The following EIF3L variants were observed in gnomAD, a reference collection of about 807,000 sequenced individuals.
EIF3L encodes the protein eukaryotic translation initiation factor 3 subunit L.
Under a neutral mutation model 74.6 loss-of-function variants are expected in EIF3L, and 32 were observed. The ratio of observed to expected loss-of-function variants is 0.43; its 90% CI spans 0.32 to 0.58. The LOEUF (loss-of-function observed/expected upper bound fraction) is 0.58. Ranked by LOEUF, EIF3L falls within the 20% of genes least tolerant of loss-of-function variation. The probability of loss-of-function intolerance (pLI) is 0.06; values close to 1 mark genes in which losing one functional copy is unlikely to be tolerated. For synonymous variants in EIF3L, 256 were observed against 254.4 expected (o/e 1.01, Z -0.06); for missense variants, 474 against 707.8 (o/e 0.67, Z 3.75).
rs1926829834 is a variant in EIF3L at position 37,877,760 on chromosome 22, C to T, written c.1164C>T (p.Leu388=). 3 of 1,613,756 alleles carry T rather than the reference C, an allele frequency of 1.9e-6. No individual in the cohort carries two copies. Among genetic ancestry groups the T allele is most frequent in the Non-Finnish European group, 2.5e-6 (3 of 1,179,872 alleles). The change falls in exon 11 of 13, where the codon CTC becomes CTT. Residue 388 remains leucine (L), a synonymous_variant. Transcript: ENST00000652021. ...TGCGTATTGATGAGAGCATTCACCT[C>T]CAGCTGCGGGAGAAATATGGGGACA... is the stretch of plus-strand genomic sequence containing the variant. ...YPMRIDESIH[L]QLREKYGDKM...
chr22:37,873,587 C>G (rs1926593459), intron 8 of EIF3L, among the ~76,000 whole-genome samples: 1 of 152,148 alleles, frequency 6.6e-6, no homozygotes, highest in Non-Finnish European at 1.5e-5. Flanking sequence ...GCCACCGCTC[C>G]CGACCTATGT....
chr22:37,858,370 G>T (rs1040708430), intron 4 of EIF3L, among the ~76,000 whole-genome samples: 9 of 151,610 alleles, frequency 5.9e-5, no homozygotes, highest in African/African-American at 9.7e-5. Context: ...GACCATGGGT[G>T]CGCACCACCA....
At position 37,888,415 on chromosome 22, in the gene EIF3L, T is replaced by C. The variant is rs751054509; in HGVS notation, c.1657-11T>C. Reference sequence around the variant, plus strand: ...TCCCCGTATGTAACTTTGCTTTTCTTTCTCTTCTAGCTTAATCGAACCCTG... The same window carrying C: ...TCCCCGTATGTAACTTTGCTTTTCTCTCTCTTCTAGCTTAATCGAACCCTG... On this transcript the variant is annotated splice_polypyrimidine_tract_variant and intron_variant, in intron 12 of 12. Coordinates refer to ENST00000652021, the MANE Select transcript of EIF3L (RefSeq NM_016091.4). The C allele has an allele frequency of 6.8e-6, 11 of 1,613,896 alleles. No individual in the cohort carries two copies. The highest frequency in any genetic ancestry group is 9.3e-6 in the Non-Finnish European group (11 of 1,179,944).
intron 2 of EIF3L, among the ~76,000 whole-genome samples, chr22:37,850,951 C>G (rs2146006840): frequency 6.6e-6 from 1 of 152,268 alleles, no homozygotes; most frequent in South Asian, 2.1e-4. Flanking sequence ...ACTTACTTTC[C>G]AACAGTCTTG....
chr22:37,874,585 A>G, intron 9 of EIF3L, 61 bp downstream of exon 9: 1 of 1,543,556 alleles, frequency 6.5e-7, no homozygotes, highest in Non-Finnish European at 8.8e-7. Context: ...CTAGAGAACC[A>G]CTCTGATCTC....
chr22:37,853,147 C>T (rs1264652501), intron 3 of EIF3L, among the ~76,000 whole-genome samples: 2 of 152,158 alleles, frequency 1.3e-5, no homozygotes, highest in African/African-American at 2.4e-5. Flanking sequence ...TCTACAGCAG[C>T]CTCAGTTCTT....
intron 8 of EIF3L, among the ~76,000 whole-genome samples, chr22:37,871,978 C>T (rs1042812764): frequency 1.3e-5 from 2 of 152,072 alleles, no homozygotes; most frequent in Non-Finnish European, 2.9e-5. Flanking sequence ...GTATACTCAC[C>T]CTGTACTTCT....
chr22:37,863,726 T>C (rs1925987872), intron 7 of EIF3L, among the ~76,000 whole-genome samples: 1 of 152,182 alleles, frequency 6.6e-6, no homozygotes. Flanking sequence ...AGCCTCACTT[T>C]CTTTACCCAC....
chr22:37,860,461 T>C (rs1015661317), intron 5 of EIF3L, among the ~76,000 whole-genome samples: 2 of 152,184 alleles, frequency 1.3e-5, no homozygotes, highest in Non-Finnish European at 2.9e-5. Context: ...CTCAAGCAAT[T>C]CTCCAGGCTC....
chr22:37,873,929 T>C (rs1185125062), intron 8 of EIF3L, among the ~76,000 whole-genome samples: 1 of 152,218 alleles, frequency 6.6e-6, no homozygotes, highest in East Asian at 1.9e-4. Context: ...TACAATTTTG[T>C]GTCGTTGCCT....
rs758047383 is a variant in EIF3L, at chr22:37,874,444, G to A, written c.826G>A (p.Gly276Arg). ...AATGCTTGGTTACTTCAGCCTGGTC[G>A]GGCTTCTCCGCCTGCACTCCCTGTT... ...YKMLGYFSLV[G>R]LLRLHSLLGD... The change falls in exon 9 of 13, where the codon GGG becomes AGG. Residue 276 changes from glycine (G) to arginine (R), a missense_variant. Physicochemically the swap from Gly to Arg is moderately radical, Grantham distance 125. Transcript: ENST00000652021. The A allele has an allele frequency of 1.9e-6, 3 of 1,614,094 alleles. No homozygotes were observed. The highest frequency in any genetic ancestry group is 2.2e-5 in the South Asian group (2 of 91,068).
intron 5 of EIF3L, among the ~76,000 whole-genome samples, chr22:37,859,374 C>CTTTGTTTTTTTTTTTTT (rs1925719540): frequency 1.3e-5 from 1 of 79,162 alleles, no homozygotes; most frequent in Non-Finnish European, 2.2e-5. Context: ...CGTGAAGTTT[C>CTTTGTTTTTTTTTTTTT]TTTTTTTTTT....
chr22:37,882,075 G>A (rs1033126793), intron 11 of EIF3L: 3 of 152,248 alleles, frequency 2.0e-5, no homozygotes, highest in Non-Finnish European at 4.4e-5. Context: ...GGGAGGCCAA[G>A]GCGGGTGGAT....
At chr22:37,873,472 T>C (rs1174972522) in intron 8 of EIF3L, among the ~76,000 whole-genome samples, 2 of 151,954 alleles carry the variant, frequency 1.3e-5, no homozygotes, top group Admixed American at 1.3e-4. Flanking sequence ...TAATTTTTTG[T>C]ATTTTTAGTA....
At chr22:37,853,074 T>G (rs1256613145) in intron 3 of EIF3L, among the ~76,000 whole-genome samples, 2 of 152,032 alleles carry the variant, frequency 1.3e-5, no homozygotes, top group Non-Finnish European at 2.9e-5. Flanking sequence ...TCTTGCCTCC[T>G]CAAAAGAAAG....
At chr22:37,874,839 C>CT (rs1340916876) in intron 9 of EIF3L, among the ~76,000 whole-genome samples, 1 of 151,604 alleles carries the variant, frequency 6.6e-6, no homozygotes, top group African/African-American at 2.4e-5. Flanking sequence ...AGCGATTCCC[C>CT]TGCCTCAGCC....
In EIF3L at chr22:37,870,324, A is replaced by G. The variant is rs1278920982; in HGVS notation, c.728A>G (p.Gln243Arg). 6.2e-7 allele frequency: 1 copy of G among 1,611,702 alleles called. No individual in the cohort carries two copies. The highest frequency in any genetic ancestry group is 8.5e-7 in the Non-Finnish European group (1 of 1,178,522). Residue 243 changes from glutamine (Q) to arginine (R), a missense_variant, in exon 8 of 13, where the codon CAG becomes CGG. Physicochemically the swap from Gln to Arg is conservative, Grantham distance 43. Around this residue, in one of 4 missense-constraint regions of EIF3L, gnomAD observed 293 missense variants for 469.1 expected, o/e 0.62. Transcript: ENST00000652021. Reference sequence around the variant, plus strand: ...GTAGACAAATCCAACATCAACCGACAGTTGGAGGTATACACAAGCGGAGGT... The same window carrying G: ...GTAGACAAATCCAACATCAACCGACGGTTGGAGGTATACACAAGCGGAGGT... ...SLVDKSNINRQLEVYTSGGDP... is the reference protein window; with the variant it reads ...SLVDKSNINRRLEVYTSGGDP...
At chr22:37,852,759 C>T (rs1348741268) in intron 3 of EIF3L, among the ~76,000 whole-genome samples, 1 of 151,956 alleles carries the variant, frequency 6.6e-6, no homozygotes, top group Non-Finnish European at 1.5e-5. Flanking sequence ...GTCCTTCCCG[C>T]CCCTGCAAGC....
chr22:37,854,158 T>C (rs555384308), intron 3 of EIF3L, among the ~76,000 whole-genome samples: 2 of 152,144 alleles, frequency 1.3e-5, no homozygotes, highest in African/African-American at 2.4e-5. Context: ...AAGGATCTAG[T>C]AAAGGAGGCA....
Sources: gnomAD v4.1 joint callset for allele counts (sites outside exome capture counted in the v4.1 genomes callset) on GRCh38, gnomAD v4.1.1 for gene constraint, gnomAD v4.1.1 regional missense constraint, MANE v1.5 for transcripts, NCBI Gene and HGNC (gene_info 2026-07-23, HGNC 2026-07-21) for gene names.